Variants in NF2 observed in about 807,000 individuals in gnomAD.
NF2 encodes NF2, moesin-ezrin-radixin like (MERLIN) tumor suppressor, also known as merlin.
In NF2, 8 loss-of-function variants were observed where a neutral mutation model predicts 83.7. The observed-to-expected ratio is 0.10, with a 90% CI of 0.06 to 0.17. NF2 has a LOEUF of 0.17. NF2 is among the 10% of genes least tolerant of loss of function. NF2 has a pLI of 1.00. For missense variants in NF2, 533 were observed against 744.4 expected, an observed-to-expected ratio of 0.72 and a Z score of 3.31; for synonymous variants, 266 against 269.6, an observed-to-expected ratio of 0.99 and a Z score of 0.13.
At chr22:29,654,145 T>C (rs1458729380) in intron 4 of NF2, among the ~76,000 whole-genome samples, 1 of 152,248 alleles carries the variant, frequency 6.6e-6, no homozygotes, top group Non-Finnish European at 1.5e-5. Flanking sequence ...ACAATAGGAA[T>C]GGCAGTGTTG....
intron 4 of NF2, 144 bp from the exon 5 acceptor site, chr22:29,654,513 A>T (rs1482257119): frequency 5.4e-6 from 4 of 745,440 alleles, no homozygotes; most frequent in Non-Finnish European, 9.7e-6. Flanking sequence ...AAGGATAACA[A>T]ACTAGCAAGG....
chr22:29,696,276 T>C lies in NF2; in HGVS notation c.*1474T>C, dbSNP rs1197624010. 1 of 215,524 alleles carries C rather than the reference T, an allele frequency of 4.6e-6. No homozygotes were observed. The highest frequency in any genetic ancestry group is 9.4e-6 in the Non-Finnish European group (1 of 106,898). 13.4% of individuals were successfully genotyped at this position (215,524 alleles called of 1,614,324 possible). On this transcript the variant is annotated 3_prime_UTR_variant, in exon 16 of 16. Coordinates refer to ENST00000338641, the MANE Select transcript of NF2 (RefSeq NM_000268.4). The stretch of plus-strand genomic sequence containing the variant: ...TTTTAATAGGGACGGGGTTTTGCCA[T>C]GTTAGCTAGGCTGGTCTCAAACTCA...
intron 1 of NF2, among the ~76,000 whole-genome samples, chr22:29,627,117 G>T (rs1468861251): frequency 6.6e-6 from 1 of 152,128 alleles, no homozygotes; most frequent in Non-Finnish European, 1.5e-5. Flanking sequence ...CCCTGAAAAT[G>T]ATTTTAAGAT....
At chr22:29,665,856 C>T (rs1340977786) in intron 9 of NF2, among the ~76,000 whole-genome samples, 1 of 151,926 alleles carries the variant, frequency 6.6e-6, no homozygotes, top group Non-Finnish European at 1.5e-5. Context: ...TCTCCTTTCC[C>T]TCTCCCCAAG....
In NF2 at chr22:29,695,210, C is replaced by T. The variant is rs1460589441; in HGVS notation, c.*408C>T. ...GAAGCCAGTGCCATCATCCCCACCC[C>T]GCCCAGGGTTCCGGAACATTCATTC... On this transcript the variant is annotated 3_prime_UTR_variant, in exon 16 of 16. Coordinates refer to ENST00000338641, the MANE Select transcript of NF2 (RefSeq NM_000268.4). The surrounding 1 kb of genome is among the most constrained non-coding windows in gnomAD (Gnocchi z 5.4). 2.6e-5 allele frequency: 10 copies of T among 385,060 alleles called. No individual in the cohort carries two copies. Among genetic ancestry groups the T allele is most frequent in the Admixed American group, 1.1e-4 (3 of 26,520 alleles). 23.9% of individuals were successfully genotyped at this position (385,060 alleles called of 1,614,324 possible). A position where few individuals can be genotyped will look rare whatever the true frequency, so the allele number is the denominator to read the frequency against.
intron 8 of NF2, among the ~76,000 whole-genome samples, chr22:29,663,666 A>T (rs566779675): frequency 1.6e-4 from 25 of 152,376 alleles, no homozygotes; most frequent in African/African-American, 6.0e-4. Context: ...CTTCTAAGTT[A>T]ACTTGGCTGA....
chr22:29,688,900 G>A (rs570694646), intron 15 of NF2, among the ~76,000 whole-genome samples: 1 of 152,260 alleles, frequency 6.6e-6, no homozygotes, highest in East Asian at 1.9e-4. Flanking sequence ...CTTGATCTGG[G>A]CCGGACGCGG....
chr22:29,637,815 A>G (rs982757037), intron 2 of NF2, among the ~76,000 whole-genome samples: 2 of 152,190 alleles, frequency 1.3e-5, no homozygotes, highest in Admixed American at 6.5e-5. Flanking sequence ...GTAATTCCCA[A>G]TGATCATGAG....
intron 14 of NF2, among the ~76,000 whole-genome samples, chr22:29,680,894 G>A (rs1014148197): frequency 3.3e-5 from 5 of 151,392 alleles, no homozygotes; most frequent in African/African-American, 1.2e-4. Flanking sequence ...GCTCCAAGAA[G>A]GGTTGAGACA....
At chr22:29,676,974 A>G (rs139276470) in intron 13 of NF2, among the ~76,000 whole-genome samples, 4,722 of 152,242 alleles carry the variant, frequency 0.031, 130 homozygotes, top group Non-Finnish European at 0.041. Context: ...AAAACAGGAC[A>G]TCCCTGGCAC....
chr22:29,694,718 G>A lies in NF2; in HGVS notation c.1738-34G>A. ...CCCTGTGTGACAGAGCGGAGGTCTT[G>A]TGCCCTCTCAGCTTCTTCTCTGCTT... On this transcript the variant is annotated intron_variant, in intron 15 of 15. Transcript: ENST00000338641. The surrounding 1 kb of genome is among the most constrained non-coding windows in gnomAD (Gnocchi z 4.1). 1 of 1,611,368 alleles carries A rather than the reference G, an allele frequency of 6.2e-7. No homozygotes were observed. Among genetic ancestry groups the A allele is most frequent in the Non-Finnish European group, 8.5e-7 (1 of 1,178,596 alleles).
chr22:29,695,473 G>T lies in NF2; in HGVS notation c.*671G>T, dbSNP rs1175543772. ...AAGCTGTGATGCAGGCTGACTGCCA[G>T]CCGAGGGGCTGGGTAGTGCCGTGCG... On this transcript the variant is annotated 3_prime_UTR_variant, in exon 16 of 16. Coordinates refer to ENST00000338641, the MANE Select transcript of NF2 (RefSeq NM_000268.4). This position sits in a 1 kb window ranked among gnomAD's most constrained non-coding sequence, Gnocchi z 5.4. The T allele has an allele frequency of 2.8e-5, 7 of 249,884 alleles. No homozygotes were observed. 15.5% of individuals were successfully genotyped at this position (249,884 alleles called of 1,614,324 possible).
At chr22:29,620,466 A>C (rs1402134163) in intron 1 of NF2, among the ~76,000 whole-genome samples, 1 of 152,040 alleles carries the variant, frequency 6.6e-6, no homozygotes, top group Non-Finnish European at 1.5e-5. Context: ...TTGGCCGGGC[A>C]TGGTGGCTCA....
intron 2 of NF2, 97 bp from the exon 3 acceptor site, chr22:29,638,993 A>T: frequency 6.4e-7 from 1 of 1,573,190 alleles, no homozygotes; most frequent in Non-Finnish European, 8.7e-7. Flanking sequence ...TTTAGTGGGA[A>T]AAAAATTTAA....
intron 10 of NF2, among the ~76,000 whole-genome samples, chr22:29,671,518 A>T (rs529572472): frequency 6.6e-6 from 1 of 151,976 alleles, no homozygotes; most frequent in Non-Finnish European, 1.5e-5. Flanking sequence ...GACAGAGCAA[A>T]ACTCTGTCCC....
In NF2 at chr22:29,694,891, AGC is replaced by A; in HGVS notation, c.*90_*91del. On this transcript the variant is annotated 3_prime_UTR_variant, in exon 16 of 16. Coordinates refer to ENST00000338641, the MANE Select transcript of NF2 (RefSeq NM_000268.4). The surrounding 1 kb of genome is among the most constrained non-coding windows in gnomAD (Gnocchi z 4.1). ...GATATCAAGAGAGCCATCCATAGGG[AGC>A]TGGCTGGGGGTTTCCGTGGGAGCTC... The A allele has an allele frequency of 7.1e-7, 1 of 1,409,314 alleles. No homozygotes were observed. Among genetic ancestry groups the A allele is most frequent in the Non-Finnish European group, 9.9e-7 (1 of 1,014,488 alleles). The allele number at this position is 1,409,314 out of a possible 1,614,324, so 87.3% of individuals were successfully genotyped here.
intron 1 of NF2, among the ~76,000 whole-genome samples, chr22:29,629,502 C>T (rs1191189787): frequency 6.6e-6 from 1 of 152,102 alleles, no homozygotes; most frequent in Non-Finnish European, 1.5e-5. Flanking sequence ...TCTCTTAGGC[C>T]AGCTATGGCT....
At chr22:29,619,155 C>T (rs1198346851) in intron 1 of NF2, among the ~76,000 whole-genome samples, 2 of 152,002 alleles carry the variant, frequency 1.3e-5, no homozygotes, top group Non-Finnish European at 2.9e-5. Flanking sequence ...AGTGATTCTC[C>T]AGCCTCAGCC....
intron 3 of NF2, 41 bp downstream of exon 3, chr22:29,639,253 GC>G (rs2146874051): frequency 6.2e-7 from 1 of 1,613,124 alleles, no homozygotes; most frequent in Non-Finnish European, 8.5e-7. Context: ...GAGAGAACTT[GC>G]CCAGGAGTGG....
Sources: gnomAD v4.1 joint callset for allele counts (sites outside exome capture counted in the v4.1 genomes callset) on GRCh38, gnomAD v4.1.1 for gene constraint, Gnocchi (gnomAD v3.1) non-coding constraint, MANE v1.5 for transcripts, NCBI Gene and HGNC (gene_info 2026-07-23, HGNC 2026-07-21) for gene names.